Variants in TMEM50A observed in about 807,000 individuals in gnomAD.
TMEM50A encodes the protein transmembrane protein 50A.
TMEM50A carries 8 observed loss-of-function variants against 23.9 expected under a neutral mutation model. The ratio of observed to expected loss-of-function variants is 0.33; its 90% CI spans 0.20 to 0.60. TMEM50A has a LOEUF of 0.60. Among genes scored for constraint, TMEM50A ranks in the 20% least tolerant of loss-of-function variants. TMEM50A has a pLI of 0.81. For missense variants in TMEM50A, 178 were observed against 192.7 expected, an observed-to-expected ratio of 0.92 and a Z score of 0.45; for synonymous variants, 55 against 60.4, an observed-to-expected ratio of 0.91 and a Z score of 0.41.
At chr1:25,350,577 G>C (rs959389224) in intron 3 of TMEM50A, among the ~76,000 whole-genome samples, 2 of 151,914 alleles carry the variant, frequency 1.3e-5, no homozygotes, top group Non-Finnish European at 2.9e-5. Context: ...TAGTAGAGAC[G>C]GGGTTTCTCT....
Position 25,352,909 on chromosome 1 carries a change from T to C in TMEM50A, c.302T>C (p.Phe101Ser). The change falls in exon 5 of 7, where the codon TTC becomes TCC. Residue 101 changes from phenylalanine to serine, a missense_variant. Coordinates refer to ENST00000374358, the MANE Select transcript of TMEM50A (RefSeq NM_014313.4). ...TGARIWLFVG[F>S]MLAFGSLIAS... ...GCTCGCATTTGGCTTTTCGTTGGTT[T>C]CATGTTGGCCTTTGGATCTCTGATT... 1 of 1,613,868 alleles carries C rather than the reference T, an allele frequency of 6.2e-7. No individual in the cohort carries two copies. The highest frequency in any genetic ancestry group is 8.5e-7 in the Non-Finnish European group (1 of 1,179,938).
At chr1:25,358,571 G>GCATTTTTGC (rs1198398355) in intron 6 of TMEM50A, among the ~76,000 whole-genome samples, 1 of 152,146 alleles carries the variant, frequency 6.6e-6, no homozygotes, top group Admixed American at 6.5e-5. Flanking sequence ...CCATCACCAG[G>GCATTTTTGC]CATTTTTGCC....
intron 3 of TMEM50A, among the ~76,000 whole-genome samples, chr1:25,349,112 A>G (rs1645251995): frequency 6.6e-6 from 1 of 152,214 alleles, no homozygotes; most frequent in South Asian, 2.1e-4. Context: ...CAGATGGGGC[A>G]GGAGAAGCAG....
chr1:25,357,092 A>G (rs1645341179), intron 6 of TMEM50A, among the ~76,000 whole-genome samples: 1 of 152,192 alleles, frequency 6.6e-6, no homozygotes, highest in South Asian at 2.1e-4. Context: ...TTAATGAGTG[A>G]GTAACTATGA....
intron 5 of TMEM50A, 115 bp from the exon 6 acceptor site, chr1:25,356,678 C>A: frequency 2.6e-6 from 2 of 761,176 alleles, no homozygotes; most frequent in Non-Finnish European, 4.4e-6. Flanking sequence ...CTCAAGCCAA[C>A]CCTAATTCTA....
At chr1:25,355,259 G>A (rs560060927) in intron 5 of TMEM50A, among the ~76,000 whole-genome samples, 3 of 151,818 alleles carry the variant, frequency 2.0e-5, no homozygotes, top group Non-Finnish European at 4.4e-5. Flanking sequence ...AGTGAGCTGC[G>A]ATCACGCCAC....
intron 4 of TMEM50A, among the ~76,000 whole-genome samples, chr1:25,352,075 G>A (rs1051146494): frequency 3.3e-5 from 5 of 152,280 alleles, no homozygotes; most frequent in Admixed American, 2.6e-4. Flanking sequence ...TCTAGTCACA[G>A]TAAATTTGAA....
rs1160076827 is a variant in TMEM50A, at chr1:25,340,568, G to A, written c.82G>A (p.Ala28Thr). Residue 28 changes from alanine to threonine, a missense_variant, in exon 2 of 7, where the codon GCT becomes ACT. By Grantham distance (58) the Ala-to-Thr change is moderately conservative. Transcript: ENST00000374358. ...GCGCAATACTATTGCTTCCATTGCTGCTGGTGTACTAGTAAGTGTCATTGA... is the reference window on the plus strand; with the variant it reads ...GCGCAATACTATTGCTTCCATTGCTACTGGTGTACTAGTAAGTGTCATTGA... ...EKRNTIASIAAGVLFFTGWWI... is the reference protein window; with the variant it reads ...EKRNTIASIATGVLFFTGWWI... The A allele has an allele frequency of 3.1e-6, 5 of 1,613,220 alleles. No individual in the cohort carries two copies. Among genetic ancestry groups the A allele is most frequent in the Non-Finnish European group, 4.2e-6 (5 of 1,179,654 alleles).
Position 25,361,055 on chromosome 1 carries a change from C to A in TMEM50A, c.*350C>A, listed in dbSNP as rs1645396437. The A allele has an allele frequency of 3.5e-5, 7 of 201,798 alleles. No homozygotes were observed. The South Asian group carries it at 7.7e-4, about 22-fold the overall frequency. The allele number at this position is 201,798 out of a possible 1,614,324, so 12.5% of individuals were successfully genotyped here. A position where few individuals can be genotyped will look rare whatever the true frequency, so the allele number is the denominator to read the frequency against. On this transcript the variant is annotated 3_prime_UTR_variant, in exon 7 of 7. Coordinates refer to ENST00000374358, the MANE Select transcript of TMEM50A (RefSeq NM_014313.4). The stretch of plus-strand genomic sequence containing the variant: ...GAGGTCCAAAACCACAATGAAAGTG[C>A]TCTGAAGATTTAATGTGTTTATTCA...
chr1:25,352,139 G>A (rs936012134), intron 4 of TMEM50A, among the ~76,000 whole-genome samples: 2 of 152,064 alleles, frequency 1.3e-5, no homozygotes, highest in Non-Finnish European at 2.9e-5. Flanking sequence ...TTGGAGATTC[G>A]TATGTCACTG....
At chr1:25,347,206 C>G (rs1645227018) in intron 3 of TMEM50A, among the ~76,000 whole-genome samples, 1 of 151,930 alleles carries the variant, frequency 6.6e-6, no homozygotes, top group Non-Finnish European at 1.5e-5. Context: ...CCATCCTGAC[C>G]TCTACCATTG....
intron 2 of TMEM50A, among the ~76,000 whole-genome samples, chr1:25,341,192 G>A (rs1048889456): frequency 1.3e-5 from 2 of 152,046 alleles, no homozygotes. Context: ...GCTCTAAAGA[G>A]TAATTTTTTA....
intron 6 of TMEM50A, among the ~76,000 whole-genome samples, chr1:25,357,763 G>A (rs1162191468): frequency 6.6e-6 from 1 of 151,606 alleles, no homozygotes. Context: ...TCAGCCTCCC[G>A]TGTAGCTGGG....
At chr1:25,343,840 G>A (rs1024092592) in intron 3 of TMEM50A, among the ~76,000 whole-genome samples, 2 of 152,150 alleles carry the variant, frequency 1.3e-5, no homozygotes, top group Non-Finnish European at 2.9e-5. Flanking sequence ...AAGGCTTTAC[G>A]GCAAGGAGAC....
At chr1:25,352,706 G>C (rs187346401) in intron 4 of TMEM50A, among the ~76,000 whole-genome samples, 176 bp from the exon 5 acceptor site, 158 of 151,146 alleles carry the variant, frequency 1.0e-3, no homozygotes, top group African/African-American at 3.5e-3. Flanking sequence ...CAACCAAGAA[G>C]AAAAAGGCCA....
intron 3 of TMEM50A, among the ~76,000 whole-genome samples, chr1:25,343,277 G>A (rs1182202165): frequency 6.6e-6 from 1 of 152,068 alleles, no homozygotes; most frequent in Non-Finnish European, 1.5e-5. Context: ...CTCCCTCCCA[G>A]CTTCTCTCAG....
chr1:25,344,913 AT>A (rs1645198346), intron 3 of TMEM50A, among the ~76,000 whole-genome samples: 1 of 151,714 alleles, frequency 6.6e-6, no homozygotes. Context: ...CTATTATCAC[AT>A]CTTTATTTTT....
chr1:25,349,780 A>G (rs754038727), intron 3 of TMEM50A, among the ~76,000 whole-genome samples: 3 of 152,230 alleles, frequency 2.0e-5, no homozygotes, highest in Non-Finnish European at 4.4e-5. Flanking sequence ...AGCACCTACT[A>G]TGTGCGAAGC....
chr1:25,356,106 G>A (rs1392463162), intron 5 of TMEM50A, among the ~76,000 whole-genome samples: 2 of 152,036 alleles, frequency 1.3e-5, no homozygotes, highest in African/African-American at 4.8e-5. Flanking sequence ...TTCCTCTCTT[G>A]CCTCCTTTAA....
Sources: gnomAD v4.1 joint callset for allele counts (sites outside exome capture counted in the v4.1 genomes callset) on GRCh38, gnomAD v4.1.1 for gene constraint, MANE v1.5 for transcripts, NCBI Gene and HGNC (gene_info 2026-07-23, HGNC 2026-07-21) for gene names.